The following CCN3 variants were observed in gnomAD, a reference collection of about 807,000 sequenced individuals.
CCN3 encodes the protein cellular communication network factor 3, also known as CCN family member 3.
Under a neutral mutation model 33.4 loss-of-function variants are expected in CCN3, and 20 were observed. That is an observed-to-expected ratio of 0.60 (90% confidence interval 0.42 to 0.87). The LOEUF is 0.87. Among genes scored for constraint, CCN3 ranks in the 40% least tolerant of loss-of-function variants. CCN3 has a pLI of 0.00. For missense variants in CCN3, 465 were observed against 455.3 expected, an observed-to-expected ratio of 1.02 and a Z score of -0.19; for synonymous variants, 205 against 170.4, an observed-to-expected ratio of 1.20 and a Z score of -1.58.
intron 4 of CCN3, 26 bp downstream of exon 4, chr8:119,419,371 T>C: frequency 1.2e-6 from 2 of 1,607,456 alleles, no homozygotes; most frequent in Non-Finnish European, 8.5e-7. Flanking sequence ...AAACCTCCCA[T>C]CCTGAAGGTA....
chr8:119,420,603 A>G (rs1032055622), intron 4 of CCN3, among the ~76,000 whole-genome samples: 1 of 152,214 alleles, frequency 6.6e-6, no homozygotes, highest in African/African-American at 2.4e-5. Flanking sequence ...GAATTCAAAC[A>G]TATATCTAAC....
intron 4 of CCN3, 34 bp from the exon 5 acceptor site, chr8:119,422,802 C>T: frequency 3.2e-6 from 5 of 1,541,566 alleles, no homozygotes; most frequent in Non-Finnish European, 4.4e-6. Flanking sequence ...GGAATGGTAG[C>T]CATTCAATAC....
At chr8:119,417,076 T>C in intron 2 of CCN3, 107 bp downstream of exon 2, 1 of 910,902 alleles carries the variant, frequency 1.1e-6, no homozygotes, top group Non-Finnish European at 1.7e-6. Flanking sequence ...AAGCAAATAA[T>C]AATAATGCAA....
At chr8:119,420,228 C>G (rs533326968) in intron 4 of CCN3, among the ~76,000 whole-genome samples, 2 of 152,312 alleles carry the variant, frequency 1.3e-5, no homozygotes, top group Admixed American at 1.3e-4. Context: ...TCTGTCTTTC[C>G]ACATGAACCA....
In CCN3 at chr8:119,416,803, G is replaced by A; in HGVS notation, c.144G>A (p.Pro48=). The A allele has an allele frequency of 1.2e-6, 2 of 1,604,572 alleles. No individual in the cohort carries two copies. The highest frequency in any genetic ancestry group is 1.7e-6 in the Non-Finnish European group (2 of 1,175,820). The change falls in exon 2 of 5, where the codon CCG becomes CCA. Residue 48 remains proline (P), a synonymous_variant. Transcript: ENST00000259526. Reference sequence around the variant, plus strand: ...CGGGCCGGTGCCCTGCGACGCCGCCGACCTGCGCCCCCGGGGTGCGCGCGG... The same window carrying A: ...CGGGCCGGTGCCCTGCGACGCCGCCAACCTGCGCCCCCGGGGTGCGCGCGG... The part of the protein sequence containing the change: ...QCPGRCPATP[P]TCAPGVRAVL...
At chr8:119,417,851 A>G (rs1025826874) in intron 2 of CCN3, among the ~76,000 whole-genome samples, 1 of 152,190 alleles carries the variant, frequency 6.6e-6, no homozygotes, top group Non-Finnish European at 1.5e-5. Flanking sequence ...GCAAGACTAG[A>G]TGATCTTGAA....
In CCN3 at chr8:119,424,434, A is replaced by G. The variant is rs1450896085; in HGVS notation, c.*1302A>G. On this transcript the variant is annotated 3_prime_UTR_variant, in exon 5 of 5. Transcript: ENST00000259526. Reference sequence around the variant, plus strand: ...AATAAAATTAAAATTTATGAATTAAATGAGACATCAATCAATAGCATCTAT... The same window carrying G: ...AATAAAATTAAAATTTATGAATTAAGTGAGACATCAATCAATAGCATCTAT... 3 of 152,226 alleles carry G rather than the reference A, an allele frequency of 2.0e-5. No homozygotes were observed. Among genetic ancestry groups the G allele is most frequent in the African/African-American group, 4.8e-5 (2 of 41,468 alleles). The allele number at this position is 152,226 out of a possible 1,614,324, so 9.4% of individuals were successfully genotyped here. A position where few individuals can be genotyped will look rare whatever the true frequency, so the allele number is the denominator to read the frequency against.
intron 4 of CCN3, 62 bp downstream of exon 4, chr8:119,419,407 G>A (rs1820095674): frequency 1.3e-6 from 2 of 1,520,076 alleles, no homozygotes; most frequent in Non-Finnish European, 1.8e-6. Context: ...TGGAGCCTGG[G>A]CTTCAGAAAG....
At chr8:119,417,347 A>C (rs1820065365) in intron 2 of CCN3, among the ~76,000 whole-genome samples, 1 of 152,132 alleles carries the variant, frequency 6.6e-6, no homozygotes, top group Non-Finnish European at 1.5e-5. Context: ...CAGTTTCCCA[A>C]ACTGCAGTTG....
Position 119,416,519 on chromosome 8 carries a change from G to C in CCN3, c.-14G>C, listed in dbSNP as rs778347013. 13 of 1,613,266 alleles carry C rather than the reference G, an allele frequency of 8.1e-6. No homozygotes were observed. The South Asian group carries it at 1.4e-4, about 18-fold the overall frequency. ...AAGTCTCGTTTGGTAAAAGCGAGAG[G>C]GGAAAGCCTGAGCATGCAGAGTGTG... On this transcript the variant is annotated 5_prime_UTR_variant, in exon 1 of 5. Coordinates refer to ENST00000259526, the MANE Select transcript of CCN3 (RefSeq NM_002514.4).
At chr8:119,417,525 T>G (rs1820068117) in intron 2 of CCN3, among the ~76,000 whole-genome samples, 2 of 152,182 alleles carry the variant, frequency 1.3e-5, no homozygotes, top group Admixed American at 1.3e-4. Context: ...GGGGATCAAT[T>G]TTTCACATGA....
chr8:119,421,027 T>C (rs900884968), intron 4 of CCN3, among the ~76,000 whole-genome samples: 10 of 142,474 alleles, frequency 7.0e-5, no homozygotes, highest in African/African-American at 2.6e-4. Context: ...TTTTTTTTTT[T>C]TTTTTTTTTG....
At chr8:119,419,754 T>C (rs1449788660) in intron 4 of CCN3, among the ~76,000 whole-genome samples, 1 of 152,240 alleles carries the variant, frequency 6.6e-6, no homozygotes, top group Admixed American at 6.5e-5. Flanking sequence ...ATGTGGGTCT[T>C]ACCTCTCAGT....
rs1290115115 is a variant in CCN3 at position 119,418,205 on chromosome 8, C to A, written c.458C>A (p.Pro153His). 6.2e-7 allele frequency: 1 copy of A among 1,614,196 alleles called. No homozygotes were observed. The highest frequency in any genetic ancestry group is 1.7e-5 in the Admixed American group (1 of 60,020). Residue 153 changes from proline (P) to histidine (H), a missense_variant, in exon 3 of 5, where the codon CCT becomes CAT. Transcript: ENST00000259526. Reference sequence around the variant, plus strand: ...CAGCTGGATGTGCTACTGCCTGAGCCTAACTGCCCAGCTCCAAGAAAAGTT... The same window carrying A: ...CAGCTGGATGTGCTACTGCCTGAGCATAACTGCCCAGCTCCAAGAAAAGTT... ...RCQLDVLLPE[P>H]NCPAPRKVEV...
Position 119,419,455 on chromosome 8 carries a change from C to T in CCN3, c.777+110C>T, listed in dbSNP as rs73320444. ...TCTGTGACGGAGAGAGCAGCTATAG[C>T]GGGGAGTTAACCCCAGAGAAAAGGC... On this transcript the variant is annotated intron_variant, in intron 4 of 4. Coordinates refer to ENST00000259526, the MANE Select transcript of CCN3 (RefSeq NM_002514.4). 5,230 of 1,089,498 alleles carry T rather than the reference C, an allele frequency of 4.8e-3. 180 individuals carry two copies. The African/African-American group carries it at 0.071, about 15-fold the overall frequency. 67.5% of individuals were successfully genotyped at this position (1,089,498 alleles called of 1,614,324 possible).
In CCN3 at chr8:119,418,327, C is replaced by G. The variant is rs1330929424; in HGVS notation, c.562+18C>G. On this transcript the variant is annotated intron_variant, in intron 3 of 4. Transcript: ENST00000259526. Reference sequence around the variant, plus strand: ...CCTTGCAGGTGAGAAACTCAATATACCTAGGGCTGGTCATAGTAGAGGGTA... The same window carrying G: ...CCTTGCAGGTGAGAAACTCAATATAGCTAGGGCTGGTCATAGTAGAGGGTA... 6.2e-7 allele frequency: 1 copy of G among 1,612,802 alleles called. No homozygotes were observed. The highest frequency in any genetic ancestry group is 8.5e-7 in the Non-Finnish European group (1 of 1,179,300).
At chr8:119,421,797 G>T (rs1342442117) in intron 4 of CCN3, among the ~76,000 whole-genome samples, 1 of 152,114 alleles carries the variant, frequency 6.6e-6, no homozygotes, top group Non-Finnish European at 1.5e-5. Context: ...GATGTTTTCT[G>T]ATCCCTTTAG....
At position 119,423,080 on chromosome 8, in the gene CCN3, A is replaced by G; in HGVS notation, c.1022A>G (p.Asn341Ser). ...TGTCACACCAACTGTCCTAAGAACA[A>G]TGAGGCCTTCCTCCAGGAGCTGGAG... ...CTCHTNCPKN[N>S]EAFLQELELK... The change falls in exon 5 of 5, where the codon AAT becomes AGT. Residue 341 changes from asparagine to serine, a missense_variant. Physicochemically the swap from Asn to Ser is conservative, Grantham distance 46 (BLOSUM62 1). Transcript: ENST00000259526. 1 of 1,614,178 alleles carries G rather than the reference A, an allele frequency of 6.2e-7. No individual in the cohort carries two copies. The highest frequency in any genetic ancestry group is 8.5e-7 in the Non-Finnish European group (1 of 1,180,018).
In CCN3 at chr8:119,418,285, T is replaced by A. The variant is rs1356152202; in HGVS notation, c.538T>A (p.Ser180Thr). The A allele has an allele frequency of 9.3e-6, 15 of 1,613,972 alleles. No homozygotes were observed. Among genetic ancestry groups the A allele is most frequent in the African/African-American group, 2.7e-5 (2 of 74,924 alleles). Residue 180 changes from serine (S) to threonine (T), a missense_variant, in exon 3 of 5, where the codon TCA becomes ACA. By Grantham distance (58) the Ser-to-Thr change is moderately conservative (BLOSUM62 1). Transcript: ENST00000259526. ...KWICGPDEED[S>T]LGGLTLAAYR... ...GATCTGTGGCCCAGATGAGGAGGATTCACTGGGAGGCCTTACCCTTGCAGG... is the reference window on the plus strand; with the variant it reads ...GATCTGTGGCCCAGATGAGGAGGATACACTGGGAGGCCTTACCCTTGCAGG...
Sources: gnomAD v4.1 joint callset for allele counts (sites outside exome capture counted in the v4.1 genomes callset) on GRCh38, gnomAD v4.1.1 for gene constraint, MANE v1.5 for transcripts, NCBI Gene and HGNC (gene_info 2026-07-23, HGNC 2026-07-21) for gene names.